Variants in DPP10 observed in about 807,000 individuals in gnomAD.
DPP10 encodes the protein inactive dipeptidyl peptidase 10.
In DPP10, 33 loss-of-function variants were observed where a neutral mutation model predicts 120.9. The ratio of observed to expected loss-of-function variants is 0.27; its 90% CI spans 0.21 to 0.37. DPP10 has a LOEUF of 0.37. DPP10 is among the 10% of genes least tolerant of loss of function. DPP10 has a pLI of 1.00. For synonymous variants in DPP10, 337 were observed against 326.1 expected, an observed-to-expected ratio of 1.03 and a Z score of -0.36; for missense variants, 816 against 942.8, an observed-to-expected ratio of 0.87 and a Z score of 1.76.
At position 114,458,594 on chromosome 2, in the gene DPP10, T is replaced by A. The variant is rs1198656041; in HGVS notation, c.60+15756T>A. On this transcript the variant is annotated intron_variant, in intron 1 of 25. Transcript: ENST00000410059. ...GGAATCGAACTGCCTCAATTCATATTCCAGCTTGCCGCTTTTAGCAATATT... is the reference window on the plus strand; with the variant it reads ...GGAATCGAACTGCCTCAATTCATATACCAGCTTGCCGCTTTTAGCAATATT... Among the ~76,000 whole-genome samples the A allele has an allele frequency of 2.6e-5, 4 of 152,230 alleles. No homozygotes were observed. In the East Asian group the frequency reaches 7.7e-4, roughly 29 times the overall value.
chr2:114,906,603 A>T (rs1004344741), intron 1 of DPP10, among the ~76,000 whole-genome samples: 1 of 152,234 alleles, frequency 6.6e-6, no homozygotes, highest in Middle Eastern at 3.4e-3. Flanking sequence ...TTCTGTAGCT[A>T]TTGAGATGAC....
chr2:114,623,291 G>A (rs966332004), intron 1 of DPP10, among the ~76,000 whole-genome samples: 1 of 152,006 alleles, frequency 6.6e-6, no homozygotes, highest in African/African-American at 2.4e-5. Flanking sequence ...ATCACAAATA[G>A]AAAATCTCCT....
At chr2:115,651,716 G>A (rs181197154) in intron 5 of DPP10, among the ~76,000 whole-genome samples, 146 of 152,106 alleles carry the variant, frequency 9.6e-4, no homozygotes, top group African/African-American at 3.2e-3. Flanking sequence ...GGAAAAGATG[G>A]TGCTTTTTTA....
chr2:115,672,700 TTCTTTCTTTC>T (rs1324324580), intron 5 of DPP10, among the ~76,000 whole-genome samples: 2 of 147,238 alleles, frequency 1.4e-5, no homozygotes, highest in African/African-American at 5.1e-5. Context: ...CTTTCTTTCT[TTCTTTCTTTC>T]TCTTTCTTTC....
Position 115,151,346 on chromosome 2 carries a change from C to T in DPP10, c.61-157893C>T, listed in dbSNP as rs184329134. ...GTTGATTGTACTACGTTAATATTAT[C>T]AGTTACACTATGAGATTTTTCAGTA... On this transcript the variant is annotated intron_variant, in intron 1 of 25. Transcript: ENST00000410059. Among the ~76,000 whole-genome samples, 209 of 151,712 alleles carry T rather than the reference C, an allele frequency of 1.4e-3. 2 individuals carry two copies. Among genetic ancestry groups the T allele is most frequent in the African/African-American group, 4.8e-3 (197 of 41,390 alleles).
intron 1 of DPP10, among the ~76,000 whole-genome samples, chr2:114,890,838 A>C (rs570760516): frequency 6.6e-6 from 1 of 152,170 alleles, no homozygotes; most frequent in Non-Finnish European, 1.5e-5. Context: ...GTCGCTCTAC[A>C]TAGGAAAACA....
intron 1 of DPP10, among the ~76,000 whole-genome samples, chr2:114,618,099 G>A (rs1693812019): frequency 6.6e-6 from 1 of 152,038 alleles, no homozygotes; most frequent in Non-Finnish European, 1.5e-5. Context: ...TATTTAGAAA[G>A]GAGAACATTA....
intron 5 of DPP10, among the ~76,000 whole-genome samples, chr2:115,656,133 A>AACACAC (rs146572509): frequency 0.012 from 1,728 of 143,308 alleles, 24 homozygotes; most frequent in African/African-American, 0.04. Flanking sequence ...GTTCTTACCA[A>AACACAC]ACACACACAC....
At chr2:115,290,698 T>G (rs567214734) in intron 1 of DPP10, among the ~76,000 whole-genome samples, 8 of 152,242 alleles carry the variant, frequency 5.3e-5, no homozygotes, top group Admixed American at 2.0e-4. Context: ...GTCTCTAAGG[T>G]GATGCACCAT....
chr2:114,900,254 C>A lies in DPP10; in HGVS notation c.61-408985C>A, dbSNP rs13395704. The stretch of plus-strand genomic sequence containing the variant: ...GTAAAACAGAATAATAATTCTTGTA[C>A]GTGTCTCCTGGTGGTCTTAGTGGTC... On this transcript the variant is annotated intron_variant, in intron 1 of 25. Coordinates refer to ENST00000410059, the MANE Select transcript of DPP10 (RefSeq NM_020868.6). Among the ~76,000 whole-genome samples the A allele has an allele frequency of 1.0e-2, 1,519 of 152,254 alleles. 20 individuals are homozygous for A. Among genetic ancestry groups the A allele is most frequent in the African/African-American group, 0.035 (1,461 of 41,550 alleles).
intron 1 of DPP10, among the ~76,000 whole-genome samples, chr2:114,567,082 C>T (rs573469728): frequency 1.3e-5 from 2 of 152,310 alleles, no homozygotes; most frequent in East Asian, 3.9e-4. Flanking sequence ...ATCTCCCATC[C>T]TCCAACAGCT....
At chr2:114,975,889 G>A (rs1481219714) in intron 1 of DPP10, among the ~76,000 whole-genome samples, 1 of 152,088 alleles carries the variant, frequency 6.6e-6, no homozygotes, top group East Asian at 1.9e-4. Context: ...GACCTCAAGT[G>A]GTCCACCCAC....
intron 13 of DPP10, among the ~76,000 whole-genome samples, chr2:115,775,916 T>C (rs1682042800): frequency 6.6e-6 from 1 of 152,142 alleles, no homozygotes; most frequent in Non-Finnish European, 1.5e-5. Context: ...CCTTAATAGA[T>C]GCAGACATAG....
rs574057370 is a variant in DPP10, at chr2:114,694,565, T to A, written c.60+251727T>A. On this transcript the variant is annotated intron_variant, in intron 1 of 25. Transcript: ENST00000410059. Reference sequence around the variant, plus strand: ...GTGTTCTCTTTGAGTTTATTCATATTTATTCCACAAACATTTGAATGGATA... The same window carrying A: ...GTGTTCTCTTTGAGTTTATTCATATATATTCCACAAACATTTGAATGGATA... Among the ~76,000 whole-genome samples the A allele has an allele frequency of 2.6e-5, 4 of 152,106 alleles. No homozygotes were observed. The East Asian group carries it at 7.8e-4, about 30-fold the overall frequency.
intron 1 of DPP10, among the ~76,000 whole-genome samples, chr2:115,215,623 A>G (rs1238993327): frequency 2.0e-5 from 3 of 152,220 alleles, no homozygotes; most frequent in Non-Finnish European, 4.4e-5. Context: ...GAAGTGGGCA[A>G]AGATGTGGAG....
chr2:114,444,436 G>A (rs1318746277), intron 1 of DPP10, among the ~76,000 whole-genome samples: 1 of 152,176 alleles, frequency 6.6e-6, no homozygotes, highest in Admixed American at 6.5e-5. Flanking sequence ...TTCTGTTTAA[G>A]AGTCTGAGGT....
intron 1 of DPP10, among the ~76,000 whole-genome samples, chr2:114,945,156 A>G (rs1288045065): frequency 6.6e-6 from 1 of 152,242 alleles, no homozygotes; most frequent in Non-Finnish European, 1.5e-5. Flanking sequence ...AGCGTGAAGC[A>G]GAAAATCTAT....
chr2:115,617,770 A>G (rs1346437761), intron 5 of DPP10, among the ~76,000 whole-genome samples: 1 of 152,100 alleles, frequency 6.6e-6, no homozygotes, highest in Non-Finnish European at 1.5e-5. Context: ...CTCAGAATGT[A>G]CCCCCATCAT....
chr2:114,965,964 CAAAAAA>C (rs57107624), intron 1 of DPP10, among the ~76,000 whole-genome samples: 10 of 74,820 alleles, frequency 1.3e-4, no homozygotes, highest in East Asian at 4.7e-4. Context: ...GACTCCTTCT[CAAAAAA>C]AAAAAAAAAA....
Sources: allele counts gnomAD v4.1 joint callset (sites outside exome capture counted in the v4.1 genomes callset), GRCh38; gene constraint gnomAD v4.1.1; transcripts MANE v1.5; gene names NCBI Gene and HGNC (gene_info 2026-07-23, HGNC 2026-07-21).